DIAPH3: variants seen among roughly 807,000 people sequenced by gnomAD.
DIAPH3 encodes the protein protein diaphanous homolog 3.
Under a neutral mutation model 144.3 loss-of-function variants are expected in DIAPH3, and 117 were observed. The observed-to-expected ratio is 0.81, with a 90% CI of 0.70 to 0.95. The LOEUF (loss-of-function observed/expected upper bound fraction) is 0.95. Among genes scored for constraint, DIAPH3 ranks in the 40% least tolerant of loss-of-function variants. DIAPH3 has a pLI of 0.00. For missense variants in DIAPH3, 1,421 were observed against 1,412.7 expected, an observed-to-expected ratio of 1.01 and a Z score of -0.09; for synonymous variants, 519 against 488.9, an observed-to-expected ratio of 1.06 and a Z score of -0.81.
In DIAPH3 at chr13:60,012,998, A is replaced by G. The variant is rs2053380820; in HGVS notation, c.772-2329T>C. On this transcript the variant is annotated intron_variant, in intron 7 of 27. Coordinates refer to ENST00000400324, the MANE Select transcript of DIAPH3 (RefSeq NM_001042517.2). ...TTACTCTCAATTATTTAAAAAACAT[A>G]GCAAAACAAAACAAAAACTGTTGAC... is the stretch of plus-strand genomic sequence containing the variant. 3 of 985,158 alleles carry G rather than the reference A, an allele frequency of 3.0e-6. No homozygotes were observed. In the African/African-American group the frequency reaches 5.2e-5, roughly 17 times the overall value. 61.0% of individuals were successfully genotyped at this position (985,158 alleles called of 1,614,324 possible).
intron 4 of DIAPH3, among the ~76,000 whole-genome samples, chr13:60,072,109 G>A (rs536558225): frequency 5.3e-5 from 8 of 152,144 alleles, no homozygotes; most frequent in South Asian, 2.1e-4. Context: ...CCTCTCCCAC[G>A]GTAGCTCTTA....
At chr13:59,901,776 T>C (rs1455835413) in intron 20 of DIAPH3, among the ~76,000 whole-genome samples, 1 of 152,094 alleles carries the variant, frequency 6.6e-6, no homozygotes, top group Admixed American at 6.6e-5. Flanking sequence ...CAATACAAAC[T>C]CAAAGTCTAA....
chr13:59,860,484 A>G (rs994197850), intron 22 of DIAPH3, among the ~76,000 whole-genome samples: 30 of 152,216 alleles, frequency 2.0e-4, no homozygotes, highest in Non-Finnish European at 8.8e-5. Context: ...CATGCCTGTA[A>G]TCCCAGCACT....
Position 60,099,393 on chromosome 13 carries a change from A to G in DIAPH3, c.391-5661T>C, listed in dbSNP as rs75551415. On this transcript the variant is annotated intron_variant, in intron 3 of 27. Coordinates refer to ENST00000400324, the MANE Select transcript of DIAPH3 (RefSeq NM_001042517.2). ...ATACACAGATGCACATTTTGTAGACATGGTGGGATGCGAAAACACAAAGCA... is the reference window on the plus strand; with the variant it reads ...ATACACAGATGCACATTTTGTAGACGTGGTGGGATGCGAAAACACAAAGCA... Among the ~76,000 whole-genome samples the G allele has an allele frequency of 3.1e-3, 470 of 152,322 alleles. 2 individuals are homozygous for G. Among genetic ancestry groups the G allele is most frequent in the Non-Finnish European group, 5.7e-3 (386 of 68,032 alleles).
chr13:60,004,376 T>C (rs979643223), intron 9 of DIAPH3, among the ~76,000 whole-genome samples: 2 of 152,226 alleles, frequency 1.3e-5, no homozygotes, highest in African/African-American at 4.8e-5. Flanking sequence ...ATTACTACAA[T>C]TTTTAGAAAG....
At position 59,876,917 on chromosome 13, in the gene DIAPH3, G is replaced by A. The variant is rs897394765; in HGVS notation, c.2607+2312C>T. 3.3e-5 allele frequency among the ~76,000 whole-genome samples: 5 copies of A among 151,966 alleles called. No individual in the cohort carries two copies. In the South Asian group the frequency reaches 1.0e-3, roughly 32 times the overall value. On this transcript the variant is annotated intron_variant, in intron 21 of 27. Coordinates refer to ENST00000400324, the MANE Select transcript of DIAPH3 (RefSeq NM_001042517.2). The stretch of plus-strand genomic sequence containing the variant: ...GGGAAAGCCTGAATCTGCCATTCTT[G>A]CTTGCCTCCTTCTCCTTCAGCTTCC...
At chr13:60,088,669 T>C (rs984971014) in intron 4 of DIAPH3, among the ~76,000 whole-genome samples, 1 of 152,180 alleles carries the variant, frequency 6.6e-6, no homozygotes, top group African/African-American at 2.4e-5. Context: ...TCACCCAGAC[T>C]GTACTGCAGT....
chr13:59,685,203 T>C (rs1322007564), intron 27 of DIAPH3, among the ~76,000 whole-genome samples: 2 of 152,098 alleles, frequency 1.3e-5, no homozygotes, highest in Admixed American at 1.3e-4. Context: ...TTCTTAAATA[T>C]TGGTGCTTTT....
At chr13:60,064,474 T>G (rs1230211962) in intron 4 of DIAPH3, among the ~76,000 whole-genome samples, 1 of 152,208 alleles carries the variant, frequency 6.6e-6, no homozygotes, top group Non-Finnish European at 1.5e-5. Context: ...TGAAGGTAGT[T>G]TCTTTCCTTA....
chr13:59,710,427 A>T (rs571649397), intron 27 of DIAPH3, among the ~76,000 whole-genome samples: 1 of 152,314 alleles, frequency 6.6e-6, no homozygotes, highest in African/African-American at 2.4e-5. Flanking sequence ...CAAATTATAA[A>T]GCTGAAAAAG....
intron 5 of DIAPH3, among the ~76,000 whole-genome samples, chr13:60,026,101 A>C (rs1221257959): frequency 6.6e-6 from 1 of 152,138 alleles, no homozygotes; most frequent in Non-Finnish European, 1.5e-5. Flanking sequence ...AAACATTCTT[A>C]ATCATCCTCC....
rs766460656 is a variant in DIAPH3 at position 59,992,179 on chromosome 13, T to A, written c.1133A>T (p.Lys378Ile). ...ATCCAGGCCATCATTCTTAATGCATTTTAAATTCTAGAGATATGAAATAGA... is the reference window on the plus strand; with the variant it reads ...ATCCAGGCCATCATTCTTAATGCATATTAAATTCTAGAGATATGAAATAGA... ...CGLKEILPNL[K>I]CIKNDGLDIQ... The change falls in exon 11 of 28, where the codon AAA becomes ATA. Residue 378 changes from lysine to isoleucine, a missense_variant. Lys to Ile is a moderately radical substitution (Grantham distance 102, BLOSUM62 -3). Coordinates refer to ENST00000400324, the MANE Select transcript of DIAPH3 (RefSeq NM_001042517.2). The A allele has an allele frequency of 4.4e-6, 7 of 1,606,948 alleles. No individual in the cohort carries two copies. The highest frequency in any genetic ancestry group is 1.7e-4 in the Middle Eastern group (1 of 6,004).
At chr13:60,120,983 A>G (rs1487668783) in intron 2 of DIAPH3, among the ~76,000 whole-genome samples, 1 of 152,248 alleles carries the variant, frequency 6.6e-6, no homozygotes, top group Non-Finnish European at 1.5e-5. Flanking sequence ...ATACTTTTAA[A>G]TGCCTAAAAT....
intron 27 of DIAPH3, among the ~76,000 whole-genome samples, chr13:59,716,459 G>A (rs937908954): frequency 6.6e-6 from 1 of 152,156 alleles, no homozygotes; most frequent in Non-Finnish European, 1.5e-5. Flanking sequence ...ACAGGCATGA[G>A]CCACCGTGCC....
intron 3 of DIAPH3, among the ~76,000 whole-genome samples, chr13:60,107,957 C>G (rs1261802595): frequency 6.6e-6 from 1 of 152,120 alleles, no homozygotes; most frequent in Non-Finnish European, 1.5e-5. Flanking sequence ...GGTATGAATG[C>G]ATGAAAAAAG....
chr13:60,074,228 T>C (rs1382557606), intron 4 of DIAPH3, among the ~76,000 whole-genome samples: 1 of 152,182 alleles, frequency 6.6e-6, no homozygotes, highest in Non-Finnish European at 1.5e-5. Flanking sequence ...ATATATCACA[T>C]TGTACTCCTC....
intron 27 of DIAPH3, among the ~76,000 whole-genome samples, chr13:59,700,761 T>C (rs1004303493): frequency 6.6e-6 from 1 of 152,192 alleles, no homozygotes; most frequent in Non-Finnish European, 1.5e-5. Context: ...CTAGAGTTCA[T>C]CTGCTATAAC....
intron 4 of DIAPH3, among the ~76,000 whole-genome samples, chr13:60,058,288 A>G: frequency 6.6e-6 from 1 of 151,960 alleles, no homozygotes; most frequent in East Asian, 1.9e-4. Flanking sequence ...AAAAAAATGA[A>G]AAATTGCTCA....
chr13:59,877,673 C>T (rs2044718993), intron 21 of DIAPH3, among the ~76,000 whole-genome samples: 1 of 152,112 alleles, frequency 6.6e-6, no homozygotes. Flanking sequence ...GATCATATTA[C>T]TTGCCTTACA....
Sources: allele counts gnomAD v4.1 joint callset (sites outside exome capture counted in the v4.1 genomes callset), GRCh38; gene constraint gnomAD v4.1.1; transcripts MANE v1.5; gene names NCBI Gene and HGNC (gene_info 2026-07-23, HGNC 2026-07-21).